Variants in PLEKHA5 observed in about 807,000 individuals in gnomAD.
The protein encoded by PLEKHA5 is pleckstrin homology domain-containing family A member 5.
A neutral mutation model predicts 181.9 loss-of-function variants in PLEKHA5; 55 were observed. The ratio of observed to expected loss-of-function variants is 0.30; its 90% CI spans 0.24 to 0.38. The LOEUF (loss-of-function observed/expected upper bound fraction) is 0.38. Ranked by LOEUF, PLEKHA5 falls within the 10% of genes least tolerant of loss-of-function variation. The pLI, the probability that PLEKHA5 is intolerant of heterozygous loss-of-function variation, is 1.00. For missense variants in PLEKHA5, 1,432 were observed against 1,549.5 expected, an observed-to-expected ratio of 0.92 and a Z score of 1.27; for synonymous variants, 535 against 529.4, an observed-to-expected ratio of 1.01 and a Z score of -0.15.
intron 22 of PLEKHA5, among the ~76,000 whole-genome samples, chr12:19,344,087 T>A (rs1003340968): frequency 1.3e-5 from 2 of 151,950 alleles, no homozygotes; most frequent in Admixed American, 6.6e-5. Context: ...TGCATTATAA[T>A]CTTATGGGAC....
chr12:19,165,193 C>T (rs914570900), intron 3 of PLEKHA5, among the ~76,000 whole-genome samples: 5 of 152,144 alleles, frequency 3.3e-5, no homozygotes, highest in African/African-American at 1.2e-4. Flanking sequence ...AGATGACGAT[C>T]CCACCAGTGG....
chr12:19,350,107 G>A (rs930069504), intron 25 of PLEKHA5, among the ~76,000 whole-genome samples: 2 of 152,028 alleles, frequency 1.3e-5, no homozygotes, highest in African/African-American at 2.4e-5. Flanking sequence ...GTGAGACTCC[G>A]TCACACACAA....
chr12:19,290,385 G>A (rs1565573874), intron 13 of PLEKHA5, among the ~76,000 whole-genome samples: 2 of 151,956 alleles, frequency 1.3e-5, no homozygotes, highest in Admixed American at 1.3e-4. Flanking sequence ...CCTTTATAAT[G>A]TTTTTTTGGC....
intron 3 of PLEKHA5, among the ~76,000 whole-genome samples, chr12:19,245,735 A>C (rs963455354): frequency 3.9e-4 from 58 of 150,392 alleles, no homozygotes; most frequent in Non-Finnish European, 6.8e-4. Context: ...AAAAAAAAAA[A>C]AAAAAAAAAA....
At chr12:19,163,284 C>A (rs1437548674) in intron 3 of PLEKHA5, among the ~76,000 whole-genome samples, 1 of 151,874 alleles carries the variant, frequency 6.6e-6, no homozygotes, top group Non-Finnish European at 1.5e-5. Context: ...TCACGCCATT[C>A]TCCTGCCTCA....
At chr12:19,368,920 A>T (rs746983210) in intron 30 of PLEKHA5, among the ~76,000 whole-genome samples, 10 of 151,782 alleles carry the variant, frequency 6.6e-5, no homozygotes, top group Non-Finnish European at 1.0e-4. Flanking sequence ...AAACCACAAC[A>T]TTTAAATCAT....
intron 3 of PLEKHA5, among the ~76,000 whole-genome samples, chr12:19,156,590 C>T (rs1194623973): frequency 6.6e-6 from 1 of 151,792 alleles, no homozygotes; most frequent in Non-Finnish European, 1.5e-5. Context: ...AGCTCCCCAG[C>T]AGCAATTTTT....
intron 3 of PLEKHA5, among the ~76,000 whole-genome samples, chr12:19,222,763 T>C (rs1489462581): frequency 6.6e-6 from 1 of 152,116 alleles, no homozygotes; most frequent in Non-Finnish European, 1.5e-5. Context: ...GCAGATGCTG[T>C]AAATATGTGC....
chr12:19,307,998 GA>G (rs1174369213), intron 15 of PLEKHA5, among the ~76,000 whole-genome samples: 1 of 151,988 alleles, frequency 6.6e-6, no homozygotes, highest in Non-Finnish European at 1.5e-5. Flanking sequence ...GAAGAGTAAA[GA>G]TAGGGAAAAG....
At chr12:19,153,198 C>A (rs991439221) in intron 3 of PLEKHA5, 3 of 151,972 alleles carry the variant, frequency 2.0e-5, no homozygotes, top group Admixed American at 1.3e-4. Flanking sequence ...GTATCATTTC[C>A]AGGTGAAGGA....
chr12:19,226,034 G>A (rs1337302283), intron 3 of PLEKHA5, among the ~76,000 whole-genome samples: 3 of 152,072 alleles, frequency 2.0e-5, no homozygotes, highest in Non-Finnish European at 4.4e-5. Context: ...TTCATATCGT[G>A]TAAAAGTAAC....
intron 3 of PLEKHA5, among the ~76,000 whole-genome samples, chr12:19,166,849 C>G (rs1450378371): frequency 1.3e-5 from 2 of 152,154 alleles, no homozygotes; most frequent in Non-Finnish European, 2.9e-5. Context: ...TTTGTGACTC[C>G]TATTAATGTA....
Position 19,290,756 on chromosome 12 carries a change from C to T in PLEKHA5, c.1943C>T (p.Ala648Val). 1.3e-6 allele frequency: 2 copies of T among 1,535,994 alleles called. No individual in the cohort carries two copies. The highest frequency in any genetic ancestry group is 1.7e-6 in the Non-Finnish European group (2 of 1,146,520). ...AGTAGTATCCGGGAGCATACGTTAG[C>T]ACAGCTCATGCAGCTAAAGCTTGAG... ...ELSSIREHTL[A>V]QLMQLKLEAH... The change falls in exon 14 of 32, where the codon GCA becomes GTA. Residue 648 changes from alanine (A) to valine (V), a missense_variant. This residue lies in a region of PLEKHA5 where 1,143 missense variants were observed against 1,168.4 expected (regional missense o/e 0.98). Coordinates refer to ENST00000429027, the MANE Select transcript of PLEKHA5 (RefSeq NM_001256470.2).
At chr12:19,169,738 T>C (rs2045451242) in intron 3 of PLEKHA5, among the ~76,000 whole-genome samples, 1 of 152,220 alleles carries the variant, frequency 6.6e-6, no homozygotes, top group Non-Finnish European at 1.5e-5. Flanking sequence ...CATCATTGGC[T>C]TTTGGGAAAT....
chr12:19,356,950 C>T lies in PLEKHA5; in HGVS notation c.3139-1278C>T, dbSNP rs537134257. Reference sequence around the variant, plus strand: ...TTGGGATTACAGGTGTGAGCCACCGCGCCCGGCCTAAGCATTTTCAAATAT... The same window carrying T: ...TTGGGATTACAGGTGTGAGCCACCGTGCCCGGCCTAAGCATTTTCAAATAT... On this transcript the variant is annotated intron_variant, in intron 26 of 31. Coordinates refer to ENST00000429027, the MANE Select transcript of PLEKHA5 (RefSeq NM_001256470.2). 6.6e-5 allele frequency among the ~76,000 whole-genome samples: 10 copies of T among 152,016 alleles called. No homozygotes were observed. The East Asian group carries it at 9.7e-4, about 15-fold the overall frequency.
At chr12:19,263,113 A>C (rs1290638277) in intron 7 of PLEKHA5, among the ~76,000 whole-genome samples, 1 of 152,208 alleles carries the variant, frequency 6.6e-6, no homozygotes, top group Non-Finnish European at 1.5e-5. Context: ...TTTTATCAAT[A>C]AGAAATATTA....
chr12:19,322,232 G>T, intron 18 of PLEKHA5, 78 bp from the exon 19 acceptor site: 1 of 790,596 alleles, frequency 1.3e-6, no homozygotes, highest in African/African-American at 1.7e-5. Flanking sequence ...ATAGATTTTT[G>T]GTCATATAAT....
chr12:19,227,799 G>A (rs549978074), intron 3 of PLEKHA5, among the ~76,000 whole-genome samples: 1 of 152,324 alleles, frequency 6.6e-6, no homozygotes, highest in South Asian at 2.1e-4. Flanking sequence ...CACAGCAGCA[G>A]TTGTTGAAGG....
At chr12:19,345,206 G>T (rs2094232356) in intron 22 of PLEKHA5, among the ~76,000 whole-genome samples, 1 of 151,286 alleles carries the variant, frequency 6.6e-6, no homozygotes, top group African/African-American at 2.4e-5. Context: ...TCGAGACCAG[G>T]CTGGCCAACT....
Sources: allele counts gnomAD v4.1 joint callset (sites outside exome capture counted in the v4.1 genomes callset), GRCh38; gene constraint gnomAD v4.1.1; regional missense constraint gnomAD v4.1.1; transcripts MANE v1.5; gene names NCBI Gene and HGNC (gene_info 2026-07-23, HGNC 2026-07-21).